The following PSD3 variants were observed in gnomAD, a reference collection of about 807,000 sequenced individuals.
The protein encoded by PSD3 is PH and SEC7 domain-containing protein 3.
Under a neutral mutation model 105.5 loss-of-function variants are expected in PSD3, and 49 were observed. That is an observed-to-expected ratio of 0.46 (90% CI 0.37 to 0.59). The LOEUF is 0.59. Ranked by LOEUF, PSD3 falls within the 20% of genes least tolerant of loss-of-function variation. The pLI is 0.00. For missense variants in PSD3, 1,561 were observed against 1,263.8 expected (o/e 1.24, Z -3.57); for synonymous variants, 557 against 457.8 (o/e 1.22, Z -2.77).
At chr8:18,763,033 A>G in intron 9 of PSD3, 1 of 599,094 alleles carries the variant, frequency 1.7e-6, no homozygotes, top group Non-Finnish European at 2.8e-6. Flanking sequence ...CACCTAGTAA[A>G]CACACAGCAG....
At chr8:18,899,362 T>C (rs1330362016) in intron 2 of PSD3, among the ~76,000 whole-genome samples, 1 of 152,180 alleles carries the variant, frequency 6.6e-6, no homozygotes, top group Non-Finnish European at 1.5e-5. Context: ...CTGCACAACA[T>C]CTGGATAAAG....
At chr8:18,842,712 G>A (rs925100140) in intron 4 of PSD3, among the ~76,000 whole-genome samples, 19 of 150,208 alleles carry the variant, frequency 1.3e-4, no homozygotes, top group Admixed American at 2.7e-4. Context: ...CAGCCTGGGC[G>A]ACAAAGCGAG....
At chr8:18,623,922 C>T (rs774439355) in intron 11 of PSD3, among the ~76,000 whole-genome samples, 6 of 152,088 alleles carry the variant, frequency 3.9e-5, no homozygotes, top group South Asian at 2.1e-4. Flanking sequence ...TTCTGCAAGC[C>T]GCTTTTTTTC....
chr8:18,670,872 G>A (rs1203354592), intron 9 of PSD3, among the ~76,000 whole-genome samples: 1 of 152,058 alleles, frequency 6.6e-6, no homozygotes, highest in African/African-American at 2.4e-5. Flanking sequence ...CGGGGAGCAG[G>A]GTGGGGGGAT....
intron 15 of PSD3, among the ~76,000 whole-genome samples, chr8:18,542,304 T>G (rs901572375): frequency 4.6e-5 from 7 of 152,232 alleles, no homozygotes; most frequent in African/African-American, 1.2e-4. Context: ...CTGATCATTC[T>G]CACATGAAAT....
intron 2 of PSD3, among the ~76,000 whole-genome samples, chr8:18,886,482 G>A (rs541929347): frequency 2.7e-3 from 409 of 152,258 alleles, no homozygotes; most frequent in Non-Finnish European, 5.0e-3. Context: ...TGGGACGCTC[G>A]AAAGACAAGA....
At chr8:18,941,915 C>A (rs577949787) in intron 1 of PSD3, among the ~76,000 whole-genome samples, 1 of 151,978 alleles carries the variant, frequency 6.6e-6, no homozygotes, top group African/African-American at 2.4e-5. Context: ...TCAGGTGATC[C>A]GCCCGCCTCG....
At chr8:18,703,972 C>T (rs7820200) in intron 9 of PSD3, among the ~76,000 whole-genome samples, 6,372 of 150,456 alleles carry the variant, frequency 0.042, 185 homozygotes, top group Non-Finnish European at 0.064. Context: ...AGCTGATCCA[C>T]GAAAAAGGGA....
At chr8:19,028,299 CTTT>C (rs397689140) in intron 1 of PSD3, among the ~76,000 whole-genome samples, 1 of 96,174 alleles carries the variant, frequency 1.0e-5, no homozygotes, top group Non-Finnish European at 2.0e-5. Context: ...CCGGCCCACC[CTTT>C]TTTTTTTTTT....
intron 8 of PSD3, among the ~76,000 whole-genome samples, chr8:18,771,684 T>C (rs1293486285): frequency 1.3e-5 from 2 of 152,352 alleles, no homozygotes; most frequent in African/African-American, 2.4e-5. Flanking sequence ...CACTTGATTA[T>C]ACTGCAATGA....
chr8:18,937,770 A>G (rs1822242226), intron 1 of PSD3, among the ~76,000 whole-genome samples: 1 of 152,222 alleles, frequency 6.6e-6, no homozygotes, highest in Non-Finnish European at 1.5e-5. Context: ...TCAGGCTAGT[A>G]AAAGAGGAAC....
At chr8:18,572,781 C>T (rs1265853905) in intron 13 of PSD3, 109 bp from the exon 14 acceptor site, 24 of 1,242,636 alleles carry the variant, frequency 1.9e-5, no homozygotes, top group East Asian at 1.2e-4. Context: ...ATCATTTACT[C>T]CTCCTGGTAC....
chr8:18,878,211 T>C (rs777935346), intron 2 of PSD3, among the ~76,000 whole-genome samples: 14 of 152,208 alleles, frequency 9.2e-5, no homozygotes, highest in Non-Finnish European at 1.8e-4. Flanking sequence ...TCTTTTGATA[T>C]TGCTTTTCAA....
chr8:18,749,453 T>A (rs1805297466), intron 9 of PSD3, among the ~76,000 whole-genome samples: 1 of 152,240 alleles, frequency 6.6e-6, no homozygotes, highest in Admixed American at 6.5e-5. Context: ...TTATGCAGGA[T>A]TTTAAAGATG....
At chr8:18,711,176 A>G (rs1046215424) in intron 9 of PSD3, among the ~76,000 whole-genome samples, 2 of 152,196 alleles carry the variant, frequency 1.3e-5, no homozygotes, top group African/African-American at 4.8e-5. Flanking sequence ...ACCAGCCACT[A>G]CAAAAACATA....
At chr8:18,979,282 T>A (rs954335159) in intron 1 of PSD3, among the ~76,000 whole-genome samples, 8 of 152,192 alleles carry the variant, frequency 5.3e-5, no homozygotes, top group African/African-American at 1.9e-4. Context: ...TTTTAATTTT[T>A]ATACACTGTA....
At chr8:18,840,697 C>A (rs2129451272) in intron 4 of PSD3, among the ~76,000 whole-genome samples, 1 of 152,274 alleles carries the variant, frequency 6.6e-6, no homozygotes, top group Non-Finnish European at 1.5e-5. Flanking sequence ...TCCAGGCAGT[C>A]TGACTTTAGA....
chr8:18,967,744 G>C (rs1412999432), intron 1 of PSD3, among the ~76,000 whole-genome samples: 6 of 152,134 alleles, frequency 3.9e-5, no homozygotes, highest in African/African-American at 1.4e-4. Context: ...ATATCTACTA[G>C]CTGCCAAAAG....
At chr8:18,803,179 CG>C in intron 6 of PSD3, 1 of 232,984 alleles carries the variant, frequency 4.3e-6, no homozygotes, top group Non-Finnish European at 8.7e-6. Flanking sequence ...CCCAGTTATT[CG>C]GGAGGCTGAT....
Sources: gnomAD v4.1 joint callset for allele counts (sites outside exome capture counted in the v4.1 genomes callset) on GRCh38, gnomAD v4.1.1 for gene constraint, MANE v1.5 for transcripts, NCBI Gene and HGNC (gene_info 2026-07-23, HGNC 2026-07-21) for gene names.